Variants in ARHGAP24 observed in about 807,000 individuals in gnomAD.
The protein encoded by ARHGAP24 is rho GTPase-activating protein 24.
In ARHGAP24, 50 loss-of-function variants were observed where a neutral mutation model predicts 76.4. That is an observed-to-expected ratio of 0.65 (90% CI 0.52 to 0.83). The LOEUF is 0.83. Among genes scored for constraint, ARHGAP24 ranks in the 40% least tolerant of loss-of-function variants. The pLI is 0.00. For missense variants in ARHGAP24, 930 were observed against 914.2 expected (o/e 1.02, Z -0.22); for synonymous variants, 345 against 323.3 (o/e 1.07, Z -0.72).
At chr4:85,940,464 CAAG>C (rs1324867174) in intron 4 of ARHGAP24, among the ~76,000 whole-genome samples, 3 of 152,024 alleles carry the variant, frequency 2.0e-5, no homozygotes, top group African/African-American at 7.2e-5. Context: ...CTAAAGGTTA[CAAG>C]AAGACTTATT....
chr4:85,497,439 C>A (rs1723624154), intron 1 of ARHGAP24, among the ~76,000 whole-genome samples: 1 of 152,134 alleles, frequency 6.6e-6, no homozygotes, highest in African/African-American at 2.4e-5. Context: ...TATATAAATG[C>A]AAAATATATT....
chr4:85,666,546 A>G (rs7689606), intron 2 of ARHGAP24, among the ~76,000 whole-genome samples: 4,455 of 152,252 alleles, frequency 0.029, 202 homozygotes, highest in African/African-American at 0.1. Context: ...GAGGAACTGC[A>G]TTCCTTTGGA....
chr4:85,864,494 ATC>A (rs1265929002), intron 3 of ARHGAP24, among the ~76,000 whole-genome samples: 1 of 152,108 alleles, frequency 6.6e-6, no homozygotes, highest in African/African-American at 2.4e-5. Context: ...TGAATTCCGT[ATC>A]TTCTAAGAGA....
chr4:85,583,703 G>A (rs1727708664), intron 2 of ARHGAP24, among the ~76,000 whole-genome samples: 1 of 150,424 alleles, frequency 6.6e-6, no homozygotes, highest in Admixed American at 6.6e-5. Flanking sequence ...TCTGACAAAG[G>A]GCTAATATCC....
chr4:85,750,997 C>T (rs1578196644), intron 3 of ARHGAP24, among the ~76,000 whole-genome samples: 1 of 152,108 alleles, frequency 6.6e-6, no homozygotes, highest in South Asian at 2.1e-4. Flanking sequence ...AAATTAAATG[C>T]CACAAAAGAA....
chr4:85,507,365 G>T (rs544676869), intron 1 of ARHGAP24, among the ~76,000 whole-genome samples: 5 of 152,272 alleles, frequency 3.3e-5, no homozygotes, highest in Non-Finnish European at 7.4e-5. Flanking sequence ...AGGACTATAG[G>T]TGTGCACTAT....
intron 5 of ARHGAP24, among the ~76,000 whole-genome samples, chr4:85,943,008 A>C (rs1737040071): frequency 6.6e-6 from 1 of 152,174 alleles, no homozygotes; most frequent in South Asian, 2.1e-4. Context: ...TTTACCATTA[A>C]CAACTTCTAT....
In ARHGAP24 at chr4:85,676,495, TA is replaced by T. The variant is rs1722984834; in HGVS notation, c.181-45389del. On this transcript the variant is annotated intron_variant, in intron 2 of 9. Coordinates refer to ENST00000395184, the MANE Select transcript of ARHGAP24 (RefSeq NM_001025616.3). Reference sequence around the variant, plus strand: ...TCAGTTGGGGCTTGGGGTCTGGGTTTAGGGGTGGAGTTGGTAGTGTTGGGTA... The same window carrying T: ...TCAGTTGGGGCTTGGGGTCTGGGTTTGGGGTGGAGTTGGTAGTGTTGGGTA... Among the ~76,000 whole-genome samples the T allele has an allele frequency of 2.6e-5, 4 of 152,238 alleles. No homozygotes were observed. The South Asian group carries it at 8.3e-4, about 32-fold the overall frequency.
At chr4:85,643,677 GT>G (rs200375865) in intron 2 of ARHGAP24, among the ~76,000 whole-genome samples, 4 of 151,570 alleles carry the variant, frequency 2.6e-5, no homozygotes, top group Non-Finnish European at 4.4e-5. Context: ...CTTTGGATGT[GT>G]TTTTTTTTCC....
At chr4:85,506,365 G>A (rs889434450) in intron 1 of ARHGAP24, among the ~76,000 whole-genome samples, 2 of 152,226 alleles carry the variant, frequency 1.3e-5, no homozygotes, top group Non-Finnish European at 2.9e-5. Context: ...AGTCTATAGA[G>A]GCAGTATACC....
Position 85,977,631 on chromosome 4 carries a change from A to G in ARHGAP24, c.868A>G (p.Thr290Ala), listed in dbSNP as rs1163342496. 2 of 1,613,978 alleles carry G rather than the reference A, an allele frequency of 1.2e-6. No homozygotes were observed. Among genetic ancestry groups the G allele is most frequent in the Admixed American group, 1.7e-5 (1 of 60,028 alleles). Residue 290 changes from threonine (T) to alanine (A), a missense_variant, in exon 8 of 10, where the codon ACG becomes GCG. Transcript: ENST00000395184. ...VNKMSVQNLA[T>A]VFGPNILRPK... Reference sequence around the variant, plus strand: ...CAAAATGAGTGTGCAGAACTTGGCAACGGTCTTTGGTCCTAATATCCTGCG... The same window carrying G: ...CAAAATGAGTGTGCAGAACTTGGCAGCGGTCTTTGGTCCTAATATCCTGCG...
intron 3 of ARHGAP24, among the ~76,000 whole-genome samples, chr4:85,796,557 C>T (rs1422137171): frequency 6.6e-6 from 1 of 151,914 alleles, no homozygotes; most frequent in African/African-American, 2.4e-5. Context: ...CAATCTGGGT[C>T]CAATCAGGAG....
intron 8 of ARHGAP24, among the ~76,000 whole-genome samples, chr4:85,980,235 C>A (rs1387017148): frequency 6.6e-6 from 1 of 152,192 alleles, no homozygotes; most frequent in East Asian, 1.9e-4. Flanking sequence ...TAAATGCACA[C>A]TACATGTGTA....
At chr4:85,543,299 A>G (rs1420479340) in intron 1 of ARHGAP24, among the ~76,000 whole-genome samples, 1 of 152,200 alleles carries the variant, frequency 6.6e-6, no homozygotes, top group African/African-American at 2.4e-5. Flanking sequence ...CGGCCTGGTG[A>G]TAGTACTGAG....
intron 2 of ARHGAP24, among the ~76,000 whole-genome samples, chr4:85,591,352 G>A (rs1728100092): frequency 6.6e-6 from 1 of 152,108 alleles, no homozygotes; most frequent in Non-Finnish European, 1.5e-5. Context: ...GACTAGATCT[G>A]CCTTTTTAAC....
At chr4:85,858,748 G>A (rs935134818) in intron 3 of ARHGAP24, among the ~76,000 whole-genome samples, 2 of 152,128 alleles carry the variant, frequency 1.3e-5, no homozygotes, top group African/African-American at 2.4e-5. Context: ...ATTCCAGGCA[G>A]AGGAAGGTGA....
Position 85,535,942 on chromosome 4 carries a change from A to G in ARHGAP24, c.-20-34580A>G, listed in dbSNP as rs1004215344. On this transcript the variant is annotated intron_variant, in intron 1 of 9. Transcript: ENST00000395184. The stretch of plus-strand genomic sequence containing the variant: ...AAAAACATGAGGGCTCCATTTTAGT[A>G]TCCCTAGTTGTTGATTGCCTGTGTC... Among the ~76,000 whole-genome samples the G allele has an allele frequency of 2.6e-5, 4 of 152,146 alleles. 1 individual carries two copies. The highest frequency in any genetic ancestry group is 2.6e-4 in the Admixed American group (4 of 15,272).
intron 3 of ARHGAP24, among the ~76,000 whole-genome samples, chr4:85,754,238 T>C (rs1031146583): frequency 5.3e-5 from 8 of 152,218 alleles, no homozygotes; most frequent in African/African-American, 1.7e-4. Context: ...GTTCCATCCA[T>C]GCTGCTGCAA....
At chr4:85,551,672 T>C (rs141948951) in intron 1 of ARHGAP24, among the ~76,000 whole-genome samples, 8 of 152,316 alleles carry the variant, frequency 5.3e-5, no homozygotes, top group Non-Finnish European at 1.0e-4. Flanking sequence ...TTCTTATTTG[T>C]AGCCTTTTTA....
Sources: gnomAD v4.1 joint callset for allele counts (sites outside exome capture counted in the v4.1 genomes callset) on GRCh38, gnomAD v4.1.1 for gene constraint, MANE v1.5 for transcripts, NCBI Gene and HGNC (gene_info 2026-07-23, HGNC 2026-07-21) for gene names.